TMEM164: variants seen among roughly 807,000 people sequenced by gnomAD.
TMEM164 encodes transmembrane protein 164, also known as RP13-360B22.2.
In TMEM164, 4 loss-of-function variants were observed where a neutral mutation model predicts 18.8. The ratio of observed to expected loss-of-function variants is 0.21; its 90% CI spans 0.10 to 0.49. The LOEUF is 0.49. Among genes scored for constraint, TMEM164 ranks in the 20% least tolerant of loss-of-function variants. TMEM164 has a pLI of 0.98. For synonymous variants in TMEM164, 86 were observed against 101.7 expected, an observed-to-expected ratio of 0.85 and a Z score of 0.93; for missense variants, 108 against 239.9, an observed-to-expected ratio of 0.45 and a Z score of 3.63.
chrX:110,101,580 ATT>A (rs1298157425), intron 3 of TMEM164, among the ~76,000 whole-genome samples: 8 of 90,770 alleles, frequency 8.8e-5, no homozygotes, highest in Admixed American at 3.6e-4. Flanking sequence ...GGTTTTATTG[ATT>A]TTTTTTTTTT....
chrX:110,124,184 A>AAGGC (rs376611382), intron 4 of TMEM164, among the ~76,000 whole-genome samples: 12 of 49,056 alleles, frequency 2.4e-4, no homozygotes, highest in Admixed American at 8.5e-4. Context: ...GGAAGGCAGG[A>AAGGC]AGGCAGGCAG....
At chrX:110,161,292 G>A (rs971009634) in intron 5 of TMEM164, among the ~76,000 whole-genome samples, 1 of 111,697 alleles carries the variant, frequency 9.0e-6, no homozygotes, top group Non-Finnish European at 1.9e-5. Context: ...CCATACCATT[G>A]AGCCCATTGC....
At chrX:110,041,858 T>C (rs921328416) in intron 2 of TMEM164, among the ~76,000 whole-genome samples, 2 of 111,369 alleles carry the variant, frequency 1.8e-5, no homozygotes, top group Non-Finnish European at 3.8e-5. Flanking sequence ...CCAGTCAAGA[T>C]AGAGAATATT....
chrX:110,031,925 G>T (rs1193307089), intron 2 of TMEM164, among the ~76,000 whole-genome samples: 1 of 108,608 alleles, frequency 9.2e-6, no homozygotes, highest in Admixed American at 9.9e-5. Context: ...CAATGTGCAG[G>T]TTTGTTACAT....
intron 2 of TMEM164, among the ~76,000 whole-genome samples, chrX:110,040,096 C>T (rs946153419): frequency 8.9e-6 from 1 of 112,113 alleles, no homozygotes; most frequent in African/African-American, 3.2e-5. Context: ...AACTCTAAGG[C>T]ATTCTCTCCA....
intron 3 of TMEM164, among the ~76,000 whole-genome samples, chrX:110,072,296 C>CAAAAA (rs56056315): frequency 2.2e-5 from 1 of 46,281 alleles, no homozygotes; most frequent in Non-Finnish European, 3.8e-5. Context: ...GACTCCATCT[C>CAAAAA]AAAAAAAAAA....
At chrX:110,088,636 G>A (rs1238890774) in intron 3 of TMEM164, among the ~76,000 whole-genome samples, 2 of 111,658 alleles carry the variant, frequency 1.8e-5, no homozygotes, top group Non-Finnish European at 3.8e-5. Flanking sequence ...TTCTGCCTTC[G>A]GTTTATGTGT....
At chrX:110,165,356 G>A (rs1175159940) in intron 5 of TMEM164, among the ~76,000 whole-genome samples, 3 of 112,936 alleles carry the variant, frequency 2.7e-5, no homozygotes, top group Non-Finnish European at 5.6e-5. Context: ...GCCACATGTG[G>A]CAAGTGGCTA....
Position 110,058,924 on chromosome X carries a change from C to T in TMEM164, c.391-8423C>T, listed in dbSNP as rs1034632876. 2.7e-5 allele frequency among the ~76,000 whole-genome samples: 3 copies of T among 110,009 alleles called. No individual in the cohort carries two copies. The East Asian group carries it at 8.5e-4, about 31-fold the overall frequency. ...GGGATTACAGGTGTGAGCCACCATG[C>T]TCAGTCTGGGATGTCTTTTCACTTT... On this transcript the variant is annotated intron_variant, in intron 2 of 6. Transcript: ENST00000372068.
chrX:110,178,502 A>G (rs962916718), downstream of TMEM164, among the ~76,000 whole-genome samples: 61 of 112,134 alleles, frequency 5.4e-4, no homozygotes, highest in African/African-American at 1.9e-3. Context: ...GAGCTGAAAA[A>G]GACAATGACC....
intron 5 of TMEM164, among the ~76,000 whole-genome samples, chrX:110,163,912 G>T (rs1040627645): frequency 2.7e-5 from 3 of 112,255 alleles, no homozygotes; most frequent in Non-Finnish European, 5.6e-5. Context: ...TGTGATTGTG[G>T]AAGCTTATGG....
At chrX:110,178,027 G>A (rs1602758960), downstream of TMEM164, among the ~76,000 whole-genome samples, 1 of 111,996 alleles carries the variant, frequency 8.9e-6, no homozygotes, top group South Asian at 3.7e-4. Context: ...CTTGTCTGCC[G>A]GGCACGTTTG....
chrX:110,108,990 C>G (rs2066252686), intron 3 of TMEM164, 90 bp from the exon 4 acceptor site: 1 of 849,598 alleles, frequency 1.2e-6, no homozygotes, highest in Admixed American at 2.2e-5. Context: ...AGTTCTCTTC[C>G]ATATGCCGTG....
intron 4 of TMEM164, among the ~76,000 whole-genome samples, chrX:110,110,278 A>G (rs902107455): frequency 8.9e-6 from 1 of 111,984 alleles, no homozygotes; most frequent in Non-Finnish European, 1.9e-5. Context: ...CATGTCATAT[A>G]TCAGTAGAAA....
chrX:110,015,602 C>G (rs1933318195), intron 2 of TMEM164, among the ~76,000 whole-genome samples: 1 of 110,081 alleles, frequency 9.1e-6, no homozygotes, highest in Non-Finnish European at 1.9e-5. Flanking sequence ...ACTTTATTCT[C>G]TGCACCCTGC....
chrX:110,093,020 T>C (rs931893130), intron 3 of TMEM164, among the ~76,000 whole-genome samples: 2 of 111,992 alleles, frequency 1.8e-5, no homozygotes, highest in Non-Finnish European at 3.8e-5. Context: ...GTTTATTGAT[T>C]TGCATGTGTT....
chrX:110,050,109 G>A (rs1261806842), intron 2 of TMEM164, among the ~76,000 whole-genome samples: 1 of 111,660 alleles, frequency 9.0e-6, no homozygotes, highest in Non-Finnish European at 1.9e-5. Context: ...ATTTGCTTGT[G>A]CGACCCTTCT....
chrX:110,110,966 T>C lies in TMEM164; in HGVS notation c.507+1820T>C, dbSNP rs367892384. ...TAGCTTATATGGACTAGACCTTTTC[T>C]GCCAAGGACCCCAAAGCATCTTACA... On this transcript the variant is annotated intron_variant, in intron 4 of 6. Coordinates refer to ENST00000372068, the MANE Select transcript of TMEM164 (RefSeq NM_032227.4). 2.7e-5 allele frequency among the ~76,000 whole-genome samples: 3 copies of C among 112,283 alleles called. No homozygotes were observed. The East Asian group carries it at 8.4e-4, about 31-fold the overall frequency.
At chrX:110,030,284 C>T (rs1934415545) in intron 2 of TMEM164, among the ~76,000 whole-genome samples, 1 of 107,270 alleles carries the variant, frequency 9.3e-6, no homozygotes, top group Non-Finnish European at 1.9e-5. Context: ...CCACACCTGG[C>T]TAATTTTTGT....
Sources: gnomAD v4.1 joint callset for allele counts (sites outside exome capture counted in the v4.1 genomes callset) on GRCh38, gnomAD v4.1.1 for gene constraint, MANE v1.5 for transcripts, NCBI Gene and HGNC (gene_info 2026-07-23, HGNC 2026-07-21) for gene names.